Variants in NBAS observed in about 807,000 individuals in gnomAD.
NBAS encodes NBAS subunit of NRZ tethering complex.
In NBAS, 219 loss-of-function variants were observed where a neutral mutation model predicts 302.5. That is an observed-to-expected ratio of 0.72 (90% CI 0.65 to 0.81). NBAS has a LOEUF of 0.81. Among genes scored for constraint, NBAS ranks in the 30% least tolerant of loss-of-function variants. The pLI, the probability that NBAS is intolerant of heterozygous loss-of-function variation, is 0.00. For missense variants in NBAS, 2,932 were observed against 2,841.6 expected, an observed-to-expected ratio of 1.03 and a Z score of -0.72; for synonymous variants, 1,118 against 1,021.6, an observed-to-expected ratio of 1.09 and a Z score of -1.80.
chr2:15,555,013 A>G (rs1481908591), intron 3 of NBAS, among the ~76,000 whole-genome samples: 2 of 152,160 alleles, frequency 1.3e-5, no homozygotes, highest in African/African-American at 4.8e-5. Context: ...AAACAGATGG[A>G]AAAGAAGAAT....
At chr2:15,532,839 A>T (rs923977120) in intron 9 of NBAS, among the ~76,000 whole-genome samples, 9 of 152,064 alleles carry the variant, frequency 5.9e-5, no homozygotes, top group Non-Finnish European at 8.8e-5. Flanking sequence ...ATAAGAAAAA[A>T]TTTTTAAGAA....
chr2:15,532,927 G>T (rs1432342715), intron 9 of NBAS, among the ~76,000 whole-genome samples: 1 of 151,952 alleles, frequency 6.6e-6, no homozygotes, highest in Admixed American at 6.6e-5. Flanking sequence ...ATATAAAAAT[G>T]TCAACAACAA....
chr2:15,124,737 G>A, the NBAS span, among the ~76,000 whole-genome samples: 5 of 152,220 alleles, frequency 3.3e-5, no homozygotes, highest in African/African-American at 1.2e-4. Flanking sequence ...CTGCGACTCT[G>A]GAGGGTTCCA....
At chr2:14,983,098 CAACTA>C in the NBAS span, among the ~76,000 whole-genome samples, 1 of 152,192 alleles carries the variant, frequency 6.6e-6, no homozygotes, top group Admixed American at 6.5e-5. Context: ...TGAACTCAGG[CAACTA>C]AATTAACCTC....
the NBAS span, among the ~76,000 whole-genome samples, chr2:15,160,590 GGA>G: frequency 2.3e-5 from 3 of 127,792 alleles, 1 homozygote; most frequent in South Asian, 9.8e-4. Context: ...GTGGGCGGGG[GGA>G]GGGGGGGGGG....
chr2:14,893,745 T>C, the NBAS span, among the ~76,000 whole-genome samples: 1 of 152,152 alleles, frequency 6.6e-6, no homozygotes. Context: ...CCCCAGTCCA[T>C]CCTAGCAGTT....
chr2:15,383,343 G>C, intron 28 of NBAS, 26 bp from the exon 29 acceptor site: 1 of 1,592,480 alleles, frequency 6.3e-7, no homozygotes, highest in Non-Finnish European at 8.6e-7. Context: ...AAAAAGACAA[G>C]GAAGAGGGAA....
chr2:14,890,859 A>C, the NBAS span: 18,214 of 162,402 alleles, frequency 0.11, 1,950 homozygotes, highest in African/African-American at 0.29. Flanking sequence ...AACAACAAAA[A>C]AAAACATGTT....
chr2:15,476,974 T>A (rs1292976463), intron 13 of NBAS, among the ~76,000 whole-genome samples: 1 of 152,130 alleles, frequency 6.6e-6, no homozygotes, highest in East Asian at 1.9e-4. Flanking sequence ...TAAAAAGCAT[T>A]AACAACACTT....
intron 44 of NBAS, among the ~76,000 whole-genome samples, chr2:15,267,611 A>G (rs1295245887): frequency 6.6e-6 from 1 of 152,190 alleles, no homozygotes; most frequent in African/African-American, 2.4e-5. Context: ...CATTAGATAT[A>G]TATCTTTCCT....
chr2:15,105,412 T>TA, the NBAS span, among the ~76,000 whole-genome samples: 1 of 151,482 alleles, frequency 6.6e-6, no homozygotes, highest in Non-Finnish European at 1.5e-5. Context: ...TATAATTTTT[T>TA]AAAAAAAGTT....
At chr2:14,796,166 G>C in the NBAS span, among the ~76,000 whole-genome samples, 1 of 152,170 alleles carries the variant, frequency 6.6e-6, no homozygotes, top group African/African-American at 2.4e-5. Context: ...CATATATGTG[G>C]TGGGTCTAGT....
At chr2:15,122,790 G>T in the NBAS span, among the ~76,000 whole-genome samples, 1 of 152,152 alleles carries the variant, frequency 6.6e-6, no homozygotes, top group Non-Finnish European at 1.5e-5. Flanking sequence ...TCTATTGCAA[G>T]GTAAACTCTG....
chr2:15,123,308 T>C, the NBAS span, among the ~76,000 whole-genome samples: 2 of 152,128 alleles, frequency 1.3e-5, no homozygotes, highest in South Asian at 4.1e-4. Context: ...TAGCATCTTC[T>C]CCATCCCTTT....
At chr2:15,336,559 C>T (rs537572034) in intron 35 of NBAS, among the ~76,000 whole-genome samples, 5 of 152,156 alleles carry the variant, frequency 3.3e-5, no homozygotes, top group African/African-American at 7.2e-5. Context: ...GGTGAAACCC[C>T]GTCTCTACTA....
At chr2:14,940,565 C>T in the NBAS span, among the ~76,000 whole-genome samples, 1 of 152,196 alleles carries the variant, frequency 6.6e-6, no homozygotes, top group Admixed American at 6.5e-5. Flanking sequence ...CTAAAGAGAG[C>T]CACACAGCAG....
chr2:14,782,971 G>C, the NBAS span, among the ~76,000 whole-genome samples: 1 of 152,138 alleles, frequency 6.6e-6, no homozygotes, highest in Admixed American at 6.5e-5. Context: ...TGGAAGGTGG[G>C]AGGAGGGAGA....
intron 48 of NBAS, among the ~76,000 whole-genome samples, chr2:15,210,019 T>C (rs1238337681): frequency 6.6e-6 from 1 of 152,038 alleles, no homozygotes; most frequent in African/African-American, 2.4e-5. Flanking sequence ...ACTATGAAAT[T>C]AGTAAAAGGA....
chr2:15,166,887 A>G, downstream of NBAS: 2 of 936,566 alleles, frequency 2.1e-6, no homozygotes, highest in Non-Finnish European at 3.0e-6. Flanking sequence ...AGAAAGAAAA[A>G]AAAGGTTAAA....
Sources: allele counts gnomAD v4.1 joint callset (sites outside exome capture counted in the v4.1 genomes callset), GRCh38; gene constraint gnomAD v4.1.1; transcripts MANE v1.5; gene names NCBI Gene and HGNC (gene_info 2026-07-23, HGNC 2026-07-21).